Variants in BRD4 observed in about 807,000 individuals in gnomAD.
BRD4 encodes bromodomain containing 4, also known as bromodomain-containing protein 4.
Under a neutral mutation model 142.1 loss-of-function variants are expected in BRD4, and 16 were observed. The ratio of observed to expected loss-of-function variants is 0.11; its 90% CI spans 0.08 to 0.17. BRD4 has a LOEUF of 0.17. BRD4 is among the 10% of genes least tolerant of loss of function. The pLI is 1.00. For missense variants in BRD4, 1,424 were observed against 1,810.9 expected, an observed-to-expected ratio of 0.79 and a Z score of 3.88; for synonymous variants, 833 against 707.5, an observed-to-expected ratio of 1.18 and a Z score of -2.82.
intron 11 of BRD4, 32 bp from the exon 12 acceptor site, chr19:15,244,794 T>C: frequency 6.2e-7 from 1 of 1,613,858 alleles, no homozygotes; most frequent in Non-Finnish European, 8.5e-7. Context: ...AGTGAGGCTC[T>C]GGGGGAGAAG....
At chr19:15,294,343 A>AGCCC (rs1245354178) in intron 1 of BRD4, among the ~76,000 whole-genome samples, 3 of 152,264 alleles carry the variant, frequency 2.0e-5, no homozygotes, top group Admixed American at 2.0e-4. Flanking sequence ...ACAGGCACCC[A>AGCCC]GCCCTCAAGA....
chr19:15,324,203 T>G (rs1377809410), intron 1 of BRD4, among the ~76,000 whole-genome samples: 1 of 151,968 alleles, frequency 6.6e-6, no homozygotes, highest in East Asian at 1.9e-4. Context: ...AACACATGCC[T>G]GGGGAGGGGG....
At chr19:15,267,107 A>C (rs1286624007) in intron 4 of BRD4, among the ~76,000 whole-genome samples, 1 of 152,236 alleles carries the variant, frequency 6.6e-6, no homozygotes, top group Non-Finnish European at 1.5e-5. Context: ...ACCACCTATG[A>C]TACTGGCAGG....
At chr19:15,326,282 G>T (rs931366503) in intron 1 of BRD4, among the ~76,000 whole-genome samples, 1 of 151,554 alleles carries the variant, frequency 6.6e-6, no homozygotes. Flanking sequence ...GGACAACATG[G>T]CAAAATCCCA....
rs1324868843 is a variant in BRD4 at position 15,273,092 on chromosome 19, G to A, written c.8C>T (p.Ala3Val). 1.3e-5 allele frequency: 21 copies of A among 1,590,082 alleles called. No individual in the cohort carries two copies. Among genetic ancestry groups the A allele is most frequent in the Middle Eastern group, 1.7e-4 (1 of 5,960 alleles). ...CAATCTCGTCCCAGGGCCGCTCTCC[G>A]CAGACATGCTAGTGATCCCATCACA... The part of the protein sequence containing the change: MS[A>V]ESGPGTRLRN... The change falls in exon 2 of 20, where the codon GCG becomes GTG. Residue 3 changes from alanine to valine, a missense_variant. Ala to Val is a moderately conservative substitution (Grantham distance 64). Around this residue, in one of 16 missense-constraint regions of BRD4, gnomAD observed 70 missense variants for 69.8 expected, o/e 1.00. Transcript: ENST00000679869.
chr19:15,265,331 C>G, intron 5 of BRD4, 23 bp downstream of exon 5: 8 of 1,479,950 alleles, frequency 5.4e-6, no homozygotes, highest in Non-Finnish European at 7.2e-6. Flanking sequence ...GTGAAGCAGC[C>G]CTCCAGAGTC....
chr19:15,270,459 G>A (rs191595564), intron 2 of BRD4, among the ~76,000 whole-genome samples: 1 of 152,170 alleles, frequency 6.6e-6, no homozygotes, highest in African/African-American at 2.4e-5. Context: ...TCTATGCTCT[G>A]ACCTCCTTTC....
chr19:15,315,595 C>T (rs1049200082), intron 1 of BRD4, among the ~76,000 whole-genome samples: 8 of 152,182 alleles, frequency 5.3e-5, no homozygotes, highest in African/African-American at 1.9e-4. Context: ...TGGCTCACGC[C>T]TGTAATCCCA....
rs57341445 is a variant in BRD4 at position 15,292,777 on chromosome 19, C to CAAAAAA, written c.-34-19650_-34-19645dup. Among the ~76,000 whole-genome samples the CAAAAAA allele has an allele frequency of 1.8e-3, 102 of 57,250 alleles. 1 individual carries two copies. Among genetic ancestry groups the CAAAAAA allele is most frequent in the Middle Eastern group, 0.013 (1 of 78 alleles). The allele number at this position is 57,250 out of a possible 152,430, so 37.6% of individuals were successfully genotyped here. ...TAGGTGACAGATCAAGACTCCGTCT[C>CAAAAAA]AAAAAAAAAAAAAAAAAAAAAAAAA... is the stretch of plus-strand genomic sequence containing the variant. On this transcript the variant is annotated intron_variant, in intron 1 of 19. Coordinates refer to ENST00000679869, the MANE Select transcript of BRD4 (RefSeq NM_001379291.1).
chr19:15,292,172 C>A (rs1053662552), intron 1 of BRD4, among the ~76,000 whole-genome samples: 1 of 152,206 alleles, frequency 6.6e-6, no homozygotes, highest in Admixed American at 6.5e-5. Context: ...CTAGTTATCA[C>A]AACATCCCAC....
chr19:15,260,685 G>A (rs539614833), intron 7 of BRD4, among the ~76,000 whole-genome samples: 3 of 152,004 alleles, frequency 2.0e-5, no homozygotes, highest in South Asian at 2.1e-4. Flanking sequence ...CCTGGAGCCC[G>A]TGTGTAGGAA....
chr19:15,278,105 C>CAAAAAAAAAAAAAAAAA (rs59204229), intron 1 of BRD4, among the ~76,000 whole-genome samples: 1 of 55,038 alleles, frequency 1.8e-5, no homozygotes, highest in Non-Finnish European at 3.2e-5. Context: ...GACTCCGTCT[C>CAAAAAAAAAAAAAAAAA]AAAAAAAAAA....
chr19:15,327,918 TGGGGGG>T (rs71176403), intron 1 of BRD4, among the ~76,000 whole-genome samples: 1 of 17,840 alleles, frequency 5.6e-5, no homozygotes, highest in Non-Finnish European at 1.0e-4. Context: ...GGATTTCTTT[TGGGGGG>T]GGGGGGTGGA....
intron 1 of BRD4, among the ~76,000 whole-genome samples, chr19:15,285,930 T>A (rs1308727764): frequency 6.6e-6 from 1 of 152,114 alleles, no homozygotes. Flanking sequence ...GAGGCGTGTG[T>A]GAGGAGAGCC....
chr19:15,291,047 G>A (rs566056500), intron 1 of BRD4, among the ~76,000 whole-genome samples: 1 of 152,236 alleles, frequency 6.6e-6, no homozygotes, highest in South Asian at 2.1e-4. Context: ...AAGTCAATGG[G>A]TTATGGTAAC....
chr19:15,257,510 A>T (rs2047424793), intron 7 of BRD4, among the ~76,000 whole-genome samples: 1 of 152,188 alleles, frequency 6.6e-6, no homozygotes, highest in Non-Finnish European at 1.5e-5. Context: ...GTACTGGACC[A>T]AGGGCATCCT....
intron 1 of BRD4, among the ~76,000 whole-genome samples, chr19:15,312,403 G>GCA (rs2047979166): frequency 6.6e-6 from 1 of 152,164 alleles, no homozygotes; most frequent in African/African-American, 2.4e-5. Context: ...GGAGGCCGAG[G>GCA]CGGGCAGATC....
At chr19:15,305,144 G>A (rs765225449) in intron 1 of BRD4, among the ~76,000 whole-genome samples, 3 of 149,120 alleles carry the variant, frequency 2.0e-5, no homozygotes, top group Non-Finnish European at 3.0e-5. Context: ...TCAGCCTCCC[G>A]AGTAGCTGGG....
At chr19:15,284,161 C>A (rs2047724609) in intron 1 of BRD4, among the ~76,000 whole-genome samples, 1 of 152,170 alleles carries the variant, frequency 6.6e-6, no homozygotes, top group Admixed American at 6.5e-5. Flanking sequence ...AAAAACGTTA[C>A]ACCTGTCAGT....
Sources: allele counts gnomAD v4.1 joint callset (sites outside exome capture counted in the v4.1 genomes callset), GRCh38; gene constraint gnomAD v4.1.1; regional missense constraint gnomAD v4.1.1; transcripts MANE v1.5; gene names NCBI Gene and HGNC (gene_info 2026-07-23, HGNC 2026-07-21).